C11orf58: variants seen among roughly 807,000 people sequenced by gnomAD.
C11orf58 encodes small acidic protein.
In C11orf58, 5 loss-of-function variants were observed where a neutral mutation model predicts 22.7. The observed-to-expected ratio is 0.22, with a 90% CI of 0.12 to 0.46. The LOEUF (loss-of-function observed/expected upper bound fraction) is 0.46. C11orf58 is among the 20% of genes least tolerant of loss of function. The pLI is 0.99. For missense variants in C11orf58, 151 were observed against 223.3 expected (o/e 0.68, Z 2.06); for synonymous variants, 71 against 70.7 (o/e 1.00, Z -0.02).
intron 1 of C11orf58, 70 bp from the exon 2 acceptor site, chr11:16,744,531 A>T (rs1848473813): frequency 8.1e-7 from 1 of 1,236,280 alleles, no homozygotes; most frequent in Non-Finnish European, 1.2e-6. Context: ...TGAGAGTTAC[A>T]GGTAGACTTT....
chr11:16,754,030 T>C, intron 4 of C11orf58: 1 of 420,792 alleles, frequency 2.4e-6, no homozygotes, highest in Non-Finnish European at 4.2e-6. Flanking sequence ...AACAACATGC[T>C]CACAAGTTAA....
intron 4 of C11orf58, chr11:16,754,033 C>A: frequency 2.4e-6 from 1 of 418,874 alleles, no homozygotes; most frequent in Non-Finnish European, 4.3e-6. Flanking sequence ...AACATGCTCA[C>A]AAGTTAAGTA....
At chr11:16,754,150 A>G (rs965694618) in intron 4 of C11orf58, 2 of 397,290 alleles carry the variant, frequency 5.0e-6, no homozygotes, top group African/African-American at 2.1e-5. Context: ...ATGTGTGACT[A>G]CTGTTTACTC....
At chr11:16,740,764 C>A (rs551812560) in intron 1 of C11orf58, among the ~76,000 whole-genome samples, 2 of 143,228 alleles carry the variant, frequency 1.4e-5, no homozygotes, top group Non-Finnish European at 3.0e-5. Context: ...GTAATGCATT[C>A]ATTAAAATAC....
intron 4 of C11orf58, 138 bp downstream of exon 4, chr11:16,753,032 A>G (rs1374417576): frequency 1.3e-5 from 8 of 605,402 alleles, no homozygotes; most frequent in East Asian, 2.9e-5. Flanking sequence ...ATAATTTTGT[A>G]TATGCCCTAC....
chr11:16,748,394 A>G, intron 3 of C11orf58: 1 of 352,474 alleles, frequency 2.8e-6, no homozygotes, highest in Non-Finnish European at 5.3e-6. Flanking sequence ...GCACCACTGC[A>G]TTCCAGCCTG....
chr11:16,754,565 T>C, intron 4 of C11orf58, among the ~76,000 whole-genome samples: 1 of 98,222 alleles, frequency 1.0e-5, no homozygotes, highest in African/African-American at 4.0e-5. Flanking sequence ...TTTTTTTTTT[T>C]TTTTTTTTTT....
intron 3 of C11orf58, chr11:16,752,092 G>A: frequency 6.4e-6 from 1 of 157,350 alleles, no homozygotes; most frequent in Non-Finnish European, 1.4e-5. Flanking sequence ...CACTTAGGGT[G>A]TCACTGTCTC....
rs1378317275 is a variant in C11orf58 at position 16,756,769 on chromosome 11, G to A, written c.*1665G>A. The A allele has an allele frequency of 2.6e-5, 4 of 151,530 alleles. No homozygotes were observed. The highest frequency in any genetic ancestry group is 4.9e-5 in the African/African-American group (2 of 41,236). The allele number at this position is 151,530 out of a possible 1,614,324, so 9.4% of individuals were successfully genotyped here. A position where few individuals can be genotyped will look rare whatever the true frequency, so the allele number is the denominator to read the frequency against. On this transcript the variant is annotated 3_prime_UTR_variant, in exon 5 of 5. Coordinates refer to ENST00000228136, the MANE Select transcript of C11orf58 (RefSeq NM_014267.6). ...ACTAAAAATACAAAATTAGCTGGGC[G>A]TGGTGGTGCATGCCTGTAATCCCAG...
At chr11:16,749,899 T>C (rs534861075) in intron 3 of C11orf58, 2 of 152,350 alleles carry the variant, frequency 1.3e-5, no homozygotes, top group South Asian at 4.1e-4. Context: ...TAAGTCAGAA[T>C]CTGACATTTA....
At chr11:16,739,852 T>C (rs147188506) in intron 1 of C11orf58, among the ~76,000 whole-genome samples, 7 of 152,306 alleles carry the variant, frequency 4.6e-5, no homozygotes, top group African/African-American at 1.2e-4. Context: ...TTTTCGATAG[T>C]GCATTTCAAC....
At chr11:16,743,660 G>T (rs192773148) in intron 1 of C11orf58, among the ~76,000 whole-genome samples, 16 of 152,222 alleles carry the variant, frequency 1.1e-4, no homozygotes, top group African/African-American at 3.4e-4. Context: ...GCTAAAAGTA[G>T]ACAACAGGTA....
At chr11:16,743,194 C>T (rs1189347277) in intron 1 of C11orf58, among the ~76,000 whole-genome samples, 1 of 152,092 alleles carries the variant, frequency 6.6e-6, no homozygotes, top group African/African-American at 2.4e-5. Context: ...ATTTTCCTTC[C>T]AGTCACCTTG....
At chr11:16,749,430 T>G (rs1028791065) in intron 3 of C11orf58, 22 of 152,234 alleles carry the variant, frequency 1.4e-4, no homozygotes, top group Non-Finnish European at 1.5e-5. Flanking sequence ...ATATTTCAAC[T>G]GCCACATTTA....
At position 16,757,946 on chromosome 11, in the gene C11orf58, A is replaced by C. The variant is rs557984222; in HGVS notation, c.*2842A>C. On this transcript the variant is annotated 3_prime_UTR_variant, in exon 5 of 5. Coordinates refer to ENST00000228136, the MANE Select transcript of C11orf58 (RefSeq NM_014267.6). ...GCACAAAGGTCACATTCTTTCAGTA[A>C]ATTTGGGGGAAATAAATTTCAGCTA... 1.3e-5 allele frequency among the ~76,000 whole-genome samples: 2 copies of C among 152,308 alleles called. No homozygotes were observed. Among genetic ancestry groups the C allele is most frequent in the African/African-American group, 4.8e-5 (2 of 41,582 alleles).
intron 4 of C11orf58, among the ~76,000 whole-genome samples, chr11:16,754,476 A>T (rs945035084): frequency 1.5e-5 from 2 of 136,770 alleles, no homozygotes; most frequent in Admixed American, 1.5e-4. Context: ...AACTACAGGC[A>T]TGCACCACCA....
At chr11:16,751,282 C>T (rs770932777) in intron 3 of C11orf58, 3 of 152,168 alleles carry the variant, frequency 2.0e-5, no homozygotes, top group Non-Finnish European at 4.4e-5. Context: ...AGGCAGATCA[C>T]TCAAGGCCAG....
chr11:16,740,421 G>A (rs965961692), intron 1 of C11orf58, among the ~76,000 whole-genome samples: 6 of 152,100 alleles, frequency 3.9e-5, no homozygotes, highest in Admixed American at 3.3e-4. Flanking sequence ...TGAGACAGGT[G>A]AGACAGGGTC....
chr11:16,740,059 C>T (rs1429891229), intron 1 of C11orf58, among the ~76,000 whole-genome samples: 2 of 152,092 alleles, frequency 1.3e-5, no homozygotes, highest in African/African-American at 2.4e-5. Flanking sequence ...GAAGTTTATT[C>T]TTGCTCTCTG....
Sources: gnomAD v4.1 joint callset for allele counts (sites outside exome capture counted in the v4.1 genomes callset) on GRCh38, gnomAD v4.1.1 for gene constraint, MANE v1.5 for transcripts, NCBI Gene and HGNC (gene_info 2026-07-23, HGNC 2026-07-21) for gene names.